Variants in PCDH11X observed in about 807,000 individuals in gnomAD.
The protein encoded by PCDH11X is protocadherin 11 X-linked, also known as protocadherin-11 X-linked.
In PCDH11X, 18 loss-of-function variants were observed where a neutral mutation model predicts 53.3. That is an observed-to-expected ratio of 0.34 (90% confidence interval 0.23 to 0.50). The LOEUF (loss-of-function observed/expected upper bound fraction) is 0.50. PCDH11X is among the 20% of genes least tolerant of loss of function. The probability of loss-of-function intolerance (pLI) is 0.98; values close to 1 mark genes in which losing one functional copy is unlikely to be tolerated. For synonymous variants in PCDH11X, 279 were observed against 393.3 expected, an observed-to-expected ratio of 0.71 and a Z score of 3.44; for missense variants, 570 against 1,032.4, an observed-to-expected ratio of 0.55 and a Z score of 6.14.
chrX:92,064,757 G>T, intron 6 of PCDH11X, among the ~76,000 whole-genome samples: 1 of 109,379 alleles, frequency 9.1e-6, no homozygotes, highest in South Asian at 3.9e-4. Context: ...TCTCCCCGGG[G>T]GAGGCAGTTT....
chrX:92,572,874 A>G (rs1292078346), intron 10 of PCDH11X, among the ~76,000 whole-genome samples: 2 of 106,021 alleles, frequency 1.9e-5, no homozygotes, highest in African/African-American at 3.5e-5. Context: ...ACAGAGTGAC[A>G]CTCCATCTCA....
At chrX:92,433,299 T>G (rs1014822358) in intron 9 of PCDH11X, among the ~76,000 whole-genome samples, 18 of 110,571 alleles carry the variant, frequency 1.6e-4, no homozygotes, top group African/African-American at 5.9e-4. Context: ...AGGAAATGAA[T>G]AGTTAGCATA....
At chrX:92,614,089 C>T (rs1927698342) in intron 10 of PCDH11X, among the ~76,000 whole-genome samples, 1 of 110,556 alleles carries the variant, frequency 9.0e-6, no homozygotes, top group Non-Finnish European at 1.9e-5. Context: ...TCTTGGATCT[C>T]ACTGAGCTTC....
intron 6 of PCDH11X, among the ~76,000 whole-genome samples, chrX:91,887,589 C>A (rs1940291822): frequency 1.8e-5 from 2 of 111,588 alleles, no homozygotes; most frequent in Non-Finnish European, 1.9e-5. Flanking sequence ...TTGTATAAAG[C>A]TTTTAGATGA....
chrX:92,356,131 A>G (rs1262810739), intron 8 of PCDH11X, among the ~76,000 whole-genome samples: 1 of 111,429 alleles, frequency 9.0e-6, no homozygotes, highest in African/African-American at 3.3e-5. Context: ...AAAAGTTATA[A>G]CATTTGTTTT....
intron 8 of PCDH11X, among the ~76,000 whole-genome samples, chrX:92,297,026 C>T (rs371539959): frequency 2.9e-5 from 2 of 68,733 alleles, no homozygotes; most frequent in East Asian, 9.4e-4. Flanking sequence ...CATATATATT[C>T]CTTGCAGATT....
At chrX:92,037,139 C>T (rs1257025168) in intron 6 of PCDH11X, among the ~76,000 whole-genome samples, 1 of 111,111 alleles carries the variant, frequency 9.0e-6, no homozygotes, top group East Asian at 2.8e-4. Flanking sequence ...TTTGCTGCAC[C>T]TATCTACTCA....
chrX:92,232,882 A>T (rs1409431706), intron 7 of PCDH11X, among the ~76,000 whole-genome samples: 2 of 110,407 alleles, frequency 1.8e-5, no homozygotes, highest in Non-Finnish European at 3.8e-5. Context: ...CGCCCGGCTA[A>T]TTTTTTGTAT....
At chrX:91,974,539 T>A (rs2062019654) in intron 6 of PCDH11X, among the ~76,000 whole-genome samples, 1 of 110,650 alleles carries the variant, frequency 9.0e-6, no homozygotes. Context: ...ACATTACAGG[T>A]ATGTTCAAGG....
intron 6 of PCDH11X, among the ~76,000 whole-genome samples, chrX:91,938,532 G>A (rs1602527878): frequency 1.9e-5 from 2 of 107,825 alleles, no homozygotes; most frequent in East Asian, 3.0e-4. Context: ...AAGTACTGAA[G>A]AGAAAAGAGC....
intron 6 of PCDH11X, among the ~76,000 whole-genome samples, chrX:92,093,804 A>G (rs1347918088): frequency 9.0e-6 from 1 of 111,036 alleles, no homozygotes; most frequent in African/African-American, 3.3e-5. Flanking sequence ...CATCACGGAA[A>G]GTGACTCAAT....
At chrX:92,001,452 T>C (rs2062506633) in intron 6 of PCDH11X, among the ~76,000 whole-genome samples, 1 of 101,090 alleles carries the variant, frequency 9.9e-6, no homozygotes, top group Non-Finnish European at 2.0e-5. Context: ...CAGAGTTATT[T>C]GAGCTCTTTT....
intron 6 of PCDH11X, among the ~76,000 whole-genome samples, chrX:91,905,814 G>A (rs1316698209): frequency 9.1e-6 from 1 of 110,371 alleles, no homozygotes; most frequent in Non-Finnish European, 1.9e-5. Flanking sequence ...AAACTAAATT[G>A]TGCCTTTTTC....
intron 10 of PCDH11X, among the ~76,000 whole-genome samples, chrX:92,509,616 G>T (rs1308644722): frequency 1.8e-5 from 2 of 111,638 alleles, no homozygotes; most frequent in Non-Finnish European, 3.8e-5. Flanking sequence ...TATTGTCTCA[G>T]TAATATTTTG....
chrX:91,925,133 T>C (rs1440470172), intron 6 of PCDH11X, among the ~76,000 whole-genome samples: 1 of 110,324 alleles, frequency 9.1e-6, no homozygotes, highest in Admixed American at 9.8e-5. Context: ...AAATTAAAAA[T>C]ATTGTACATA....
chrX:92,018,246 G>A (rs766983818), intron 6 of PCDH11X, among the ~76,000 whole-genome samples: 1 of 111,834 alleles, frequency 8.9e-6, no homozygotes, highest in South Asian at 3.7e-4. Context: ...TAGACAAATA[G>A]ATGTCAATAA....
chrX:92,466,397 C>CA (rs1004092259), intron 9 of PCDH11X, among the ~76,000 whole-genome samples: 4 of 108,024 alleles, frequency 3.7e-5, no homozygotes, highest in Middle Eastern at 4.3e-3. Context: ...TTAGCTTACA[C>CA]AAAAAAGTCC....
chrX:91,821,071 T>A (rs1157150083), intron 4 of PCDH11X, among the ~76,000 whole-genome samples: 1 of 105,629 alleles, frequency 9.5e-6, no homozygotes, highest in African/African-American at 3.9e-5. Context: ...TTTTGGTTAC[T>A]GTAGCCTTGT....
chrX:92,459,797 C>T, intron 9 of PCDH11X: 2 of 1,181,433 alleles, frequency 1.7e-6, no homozygotes, highest in Non-Finnish European at 2.3e-6. Flanking sequence ...GGCTCTGGTT[C>T]CCGGATCTCC....
Sources: gnomAD v4.1 joint callset for allele counts (sites outside exome capture counted in the v4.1 genomes callset) on GRCh38, gnomAD v4.1.1 for gene constraint, MANE v1.5 for transcripts, NCBI Gene and HGNC (gene_info 2026-07-23, HGNC 2026-07-21) for gene names.